Variants in EML4 observed in about 807,000 individuals in gnomAD.
EML4 encodes the protein EMAP like 4, also known as echinoderm microtubule-associated protein-like 4.
EML4 carries 72 observed loss-of-function variants against 129.0 expected under a neutral mutation model. That is an observed-to-expected ratio of 0.56 (90% CI 0.46 to 0.68). The LOEUF (loss-of-function observed/expected upper bound fraction) is 0.68, where lower values mean the gene tolerates loss of function less well. Among genes scored for constraint, EML4 ranks in the 30% least tolerant of loss-of-function variants. The pLI, the probability that EML4 is intolerant of heterozygous loss-of-function variation, is 0.00. For missense variants in EML4, 1,363 were observed against 1,190.6 expected (o/e 1.14, Z -2.13); for synonymous variants, 532 against 405.0 (o/e 1.31, Z -3.77).
chr2:42,234,346 C>T (rs1355816476), intron 1 of EML4, among the ~76,000 whole-genome samples: 1 of 152,168 alleles, frequency 6.6e-6, no homozygotes. Context: ...AGGTGGTATT[C>T]CTACGCAGAC....
chr2:42,213,003 T>A (rs1672971710), intron 1 of EML4, among the ~76,000 whole-genome samples: 1 of 152,238 alleles, frequency 6.6e-6, no homozygotes, highest in Non-Finnish European at 1.5e-5. Context: ...TTATATCATT[T>A]GTGCCATGGT....
intron 19 of EML4, among the ~76,000 whole-genome samples, chr2:42,321,871 A>G (rs1669541625): frequency 6.6e-6 from 1 of 152,242 alleles, no homozygotes; most frequent in South Asian, 2.1e-4. Context: ...AAACATAGCA[A>G]CAAAAGCACA....
intron 17 of EML4, among the ~76,000 whole-genome samples, chr2:42,306,484 C>CTTTTTTTTTTTTTTT (rs375707062): frequency 0.013 from 974 of 74,598 alleles, 164 homozygotes; most frequent in Non-Finnish European, 0.02. Context: ...GTGCTAAATC[C>CTTTTTTTTTTTTTTT]TTTTTTTTTT....
At chr2:42,277,937 C>T (rs1666750608) in intron 6 of EML4, among the ~76,000 whole-genome samples, 2 of 152,186 alleles carry the variant, frequency 1.3e-5, no homozygotes, top group Admixed American at 1.3e-4. Flanking sequence ...TTTCCTTCCT[C>T]TTCATGGTTT....
At chr2:42,291,560 T>C in intron 11 of EML4, among the ~76,000 whole-genome samples, 1 of 151,984 alleles carries the variant, frequency 6.6e-6, no homozygotes, top group East Asian at 1.9e-4. Context: ...TGTGCCACCA[T>C]GCCCAGCTAA....
At chr2:42,215,569 G>C (rs1189843163) in intron 1 of EML4, among the ~76,000 whole-genome samples, 2 of 151,848 alleles carry the variant, frequency 1.3e-5, no homozygotes, top group African/African-American at 4.8e-5. Context: ...AAATTTTGCA[G>C]TGAATACCTA....
chr2:42,194,301 G>T (rs1671772562), intron 1 of EML4, among the ~76,000 whole-genome samples: 2 of 145,914 alleles, frequency 1.4e-5, no homozygotes, highest in Admixed American at 6.8e-5. Flanking sequence ...TTTGTATCTA[G>T]TCCTGAATCC....
intron 16 of EML4, 125 bp downstream of exon 16, chr2:42,303,571 T>C: frequency 9.5e-7 from 1 of 1,052,754 alleles, no homozygotes; most frequent in Non-Finnish European, 1.4e-6. Flanking sequence ...GGTTTAGTAA[T>C]AGAGGGTGGA....
chr2:42,186,224 A>G (rs533019936), intron 1 of EML4, among the ~76,000 whole-genome samples: 1 of 152,320 alleles, frequency 6.6e-6, no homozygotes, highest in African/African-American at 2.4e-5. Context: ...TAGCCAAAAT[A>G]AGGAGATGCC....
chr2:42,192,916 T>G (rs1671685345), intron 1 of EML4, among the ~76,000 whole-genome samples: 3 of 152,144 alleles, frequency 2.0e-5, no homozygotes, highest in African/African-American at 7.2e-5. Flanking sequence ...GAGGAGTGAT[T>G]GGTGAAACTC....
At chr2:42,185,132 TG>T (rs1671175233) in intron 1 of EML4, among the ~76,000 whole-genome samples, 1 of 152,040 alleles carries the variant, frequency 6.6e-6, no homozygotes, top group East Asian at 1.9e-4. Flanking sequence ...ATAAAGAAAC[TG>T]AGTTGAAGAG....
intron 1 of EML4, among the ~76,000 whole-genome samples, chr2:42,203,934 C>G (rs1380624821): frequency 6.6e-5 from 10 of 152,020 alleles, no homozygotes; most frequent in Non-Finnish European, 1.2e-4. Flanking sequence ...TCTTTTTCCC[C>G]CAAAGAGATG....
chr2:42,201,437 T>A (rs1431390010), intron 1 of EML4, among the ~76,000 whole-genome samples: 1 of 152,200 alleles, frequency 6.6e-6, no homozygotes, highest in Non-Finnish European at 1.5e-5. Context: ...AACATAAGTC[T>A]AATAGAACTT....
At chr2:42,268,714 A>G (rs1419554746) in intron 6 of EML4, among the ~76,000 whole-genome samples, 1 of 152,220 alleles carries the variant, frequency 6.6e-6, no homozygotes, top group African/African-American at 2.4e-5. Context: ...TTAGGATTAT[A>G]GCTGTGAGCC....
Position 42,295,463 on chromosome 2 carries a change from T to C in EML4, c.1436T>C (p.Met479Thr). 6.2e-7 allele frequency: 1 copy of C among 1,614,014 alleles called. No homozygotes were observed. Among genetic ancestry groups the C allele is most frequent in the East Asian group, 2.2e-5 (1 of 44,860 alleles). ...CTTACTGGAGACTCAGGTGGAGTCA[T>C]GCTTATATGGAGCAAAACTACTGTA... ...DVLTGDSGGVMLIWSKTTVEP... is the reference protein window; with the variant it reads ...DVLTGDSGGVTLIWSKTTVEP... Residue 479 changes from methionine to threonine, a missense_variant, in exon 13 of 23, where the codon ATG becomes ACG. Transcript: ENST00000318522.
chr2:42,270,994 C>T (rs1666330317), intron 6 of EML4, among the ~76,000 whole-genome samples: 1 of 152,294 alleles, frequency 6.6e-6, no homozygotes, highest in Non-Finnish European at 1.5e-5. Context: ...CTCCCGGGCT[C>T]AGTTGATCCT....
At chr2:42,223,422 G>A (rs541735618) in intron 1 of EML4, among the ~76,000 whole-genome samples, 1 of 152,242 alleles carries the variant, frequency 6.6e-6, no homozygotes, top group South Asian at 2.1e-4. Context: ...GTCAAGTAAT[G>A]AAGCTAAATC....
At chr2:42,187,050 G>C (rs1052562263) in intron 1 of EML4, among the ~76,000 whole-genome samples, 6 of 137,616 alleles carry the variant, frequency 4.4e-5, no homozygotes, top group East Asian at 2.3e-4. Flanking sequence ...TTTTTGGAGC[G>C]GGGGGGTGGG....
At chr2:42,264,259 C>T (rs894178280) in intron 5 of EML4, among the ~76,000 whole-genome samples, 5 of 151,920 alleles carry the variant, frequency 3.3e-5, no homozygotes, top group African/African-American at 9.7e-5. Flanking sequence ...GGACTACAGA[C>T]GCGTGCCACC....
Sources: gnomAD v4.1 joint callset for allele counts (sites outside exome capture counted in the v4.1 genomes callset) on GRCh38, gnomAD v4.1.1 for gene constraint, MANE v1.5 for transcripts, NCBI Gene and HGNC (gene_info 2026-07-23, HGNC 2026-07-21) for gene names.